Variants in SERP2 observed in about 807,000 individuals in gnomAD.
The protein encoded by SERP2 is stress-associated endoplasmic reticulum protein 2.
Under a neutral mutation model 9.1 loss-of-function variants are expected in SERP2, and 6 were observed. That is an observed-to-expected ratio of 0.66 (90% CI 0.36 to 1.30). The LOEUF is 1.30. Among genes scored for constraint, SERP2 ranks in the 50% most tolerant of loss-of-function variants. The pLI is 0.03. For synonymous variants in SERP2, 37 were observed against 27.3 expected (o/e 1.35, Z -1.10); for missense variants, 58 against 81.9 (o/e 0.71, Z 1.13).
intron 2 of SERP2, among the ~76,000 whole-genome samples, chr13:44,394,508 T>TA (rs1206070712): frequency 6.6e-6 from 1 of 152,230 alleles, no homozygotes; most frequent in East Asian, 1.9e-4. Flanking sequence ...CTTTTGAAGT[T>TA]ATGAATTAAC....
chr13:44,385,350 G>A (rs1402000746), intron 2 of SERP2, among the ~76,000 whole-genome samples: 1 of 152,152 alleles, frequency 6.6e-6, no homozygotes, highest in African/African-American at 2.4e-5. Flanking sequence ...GAGACCCCTG[G>A]CATAAACACG....
intron 2 of SERP2, 59 bp downstream of exon 2, chr13:44,379,772 C>A: frequency 8.6e-7 from 1 of 1,156,698 alleles, no homozygotes; most frequent in Non-Finnish European, 1.3e-6. Context: ...GAAAAACACA[C>A]GTTTTCTTCA....
intron 2 of SERP2, among the ~76,000 whole-genome samples, chr13:44,386,515 C>G (rs1404753662): frequency 6.6e-6 from 1 of 152,180 alleles, no homozygotes; most frequent in African/African-American, 2.4e-5. Flanking sequence ...TCCCAAGTAG[C>G]TGGGATTACA....
chr13:44,394,687 CCA>C (rs551285233), intron 2 of SERP2, among the ~76,000 whole-genome samples: 2 of 152,296 alleles, frequency 1.3e-5, no homozygotes, highest in South Asian at 4.1e-4. Flanking sequence ...TACCTATTAT[CCA>C]CAGTTTTATA....
intron 2 of SERP2, among the ~76,000 whole-genome samples, chr13:44,383,447 T>C (rs1454793314): frequency 6.6e-6 from 1 of 152,140 alleles, no homozygotes; most frequent in Non-Finnish European, 1.5e-5. Flanking sequence ...CTTGGGTAAA[T>C]TGGGACATTT....
intron 1 of SERP2, among the ~76,000 whole-genome samples, chr13:44,374,594 A>C (rs574450021): frequency 6.6e-6 from 1 of 152,252 alleles, no homozygotes; most frequent in Non-Finnish European, 1.5e-5. Flanking sequence ...TCAATGGCTA[A>C]ATGGAGGCCA....
chr13:44,377,947 G>C (rs4942325), intron 1 of SERP2, among the ~76,000 whole-genome samples: 128,621 of 152,180 alleles, frequency 0.85, 55,447 homozygotes, highest in Non-Finnish European at 0.93. Flanking sequence ...GTCTCATAGA[G>C]AGACAGATAT....
At position 44,373,842 on chromosome 13, in the gene SERP2, G is replaced by T; in HGVS notation, c.-184G>T. 3.7e-6 allele frequency: 2 copies of T among 537,226 alleles called. No individual in the cohort carries two copies. Among genetic ancestry groups the T allele is most frequent in the Non-Finnish European group, 6.5e-6 (2 of 306,196 alleles). 33.3% of individuals were successfully genotyped at this position (537,226 alleles called of 1,614,324 possible). ...AGAGATTACTTCCGTCCGGGCTGCG[G>T]CCTCTCTCTGGAGTCGGCTAGCCGG... is the stretch of plus-strand genomic sequence containing the variant. On this transcript the variant is annotated 5_prime_UTR_variant, in exon 1 of 3. Transcript: ENST00000379179. The surrounding 1 kb of genome is among the most constrained non-coding windows in gnomAD (Gnocchi z 4.8).
chr13:44,384,930 G>A (rs1475979614), intron 2 of SERP2, among the ~76,000 whole-genome samples: 1 of 152,194 alleles, frequency 6.6e-6, no homozygotes, highest in Non-Finnish European at 1.5e-5. Context: ...GATTGGTTGG[G>A]CAAAGTGCTC....
chr13:44,375,211 CTA>C (rs1212336165), intron 1 of SERP2, among the ~76,000 whole-genome samples: 1 of 152,120 alleles, frequency 6.6e-6, no homozygotes, highest in East Asian at 1.9e-4. Flanking sequence ...GCCAAAGAAA[CTA>C]TATTGGTTTG....
chr13:44,389,717 C>T (rs951707144), intron 2 of SERP2, among the ~76,000 whole-genome samples: 3 of 152,158 alleles, frequency 2.0e-5, no homozygotes, highest in Non-Finnish European at 4.4e-5. Flanking sequence ...GTTTGTAAAC[C>T]AGAGAGTCAG....
chr13:44,396,837 G>C (rs1873136443), intron 2 of SERP2, among the ~76,000 whole-genome samples: 1 of 152,228 alleles, frequency 6.6e-6, no homozygotes, highest in Admixed American at 6.5e-5. Context: ...CGAGCACCTG[G>C]TCGGCCTTCC....
intron 2 of SERP2, among the ~76,000 whole-genome samples, chr13:44,387,072 A>G (rs1161803701): frequency 6.6e-6 from 1 of 152,178 alleles, no homozygotes; most frequent in African/African-American, 2.4e-5. Flanking sequence ...CTTCTGAAGA[A>G]TGCTTGCTTT....
intron 2 of SERP2, among the ~76,000 whole-genome samples, chr13:44,381,667 G>A (rs531089823): frequency 6.2e-4 from 94 of 152,292 alleles, no homozygotes; most frequent in African/African-American, 2.1e-3. Context: ...ATGTGACCCA[G>A]GCTTGCAGTT....
chr13:44,396,286 C>T (rs189082045), intron 2 of SERP2, among the ~76,000 whole-genome samples: 3 of 152,098 alleles, frequency 2.0e-5, no homozygotes, highest in Non-Finnish European at 4.4e-5. Context: ...GGCTGGTTTC[C>T]TAGGGTTCTG....
At chr13:44,390,593 C>T (rs1872655237) in intron 2 of SERP2, 1 of 316,710 alleles carries the variant, frequency 3.2e-6, no homozygotes, top group Non-Finnish European at 6.4e-6. Context: ...CCTGCAGCCT[C>T]CTTTGTGCCC....
At chr13:44,383,742 G>A (rs1969875) in intron 2 of SERP2, among the ~76,000 whole-genome samples, 62,033 of 148,798 alleles carry the variant, frequency 0.42, 13,449 homozygotes, top group East Asian at 0.65. Context: ...TAGTAGTGAC[G>A]GGGTTTCACC....
intron 1 of SERP2, among the ~76,000 whole-genome samples, chr13:44,374,389 A>C (rs866972579): frequency 6.6e-6 from 1 of 152,106 alleles, no homozygotes; most frequent in Middle Eastern, 3.4e-3. Flanking sequence ...CTCCTCCCCG[A>C]CCCGCACCCC....
chr13:44,397,519 G>A lies in SERP2; in HGVS notation c.*207G>A, dbSNP rs1398740322. 2.6e-5 allele frequency: 15 copies of A among 587,590 alleles called. No homozygotes were observed. The highest frequency in any genetic ancestry group is 1.2e-4 in the South Asian group (6 of 49,698). The allele number at this position is 587,590 out of a possible 1,614,324, so 36.4% of individuals were successfully genotyped here. ...GTGCATCCGCGTTCTCAAGCGGAAA[G>A]GACATTTTGCTTTTCTGTTGGCAGG... On this transcript the variant is annotated 3_prime_UTR_variant, in exon 3 of 3. Coordinates refer to ENST00000379179, the MANE Select transcript of SERP2 (RefSeq NM_001010897.3).
Sources: gnomAD v4.1 joint callset for allele counts (sites outside exome capture counted in the v4.1 genomes callset) on GRCh38, gnomAD v4.1.1 for gene constraint, Gnocchi (gnomAD v3.1) non-coding constraint, MANE v1.5 for transcripts, NCBI Gene and HGNC (gene_info 2026-07-23, HGNC 2026-07-21) for gene names.